The following MIS18BP1 variants were observed in gnomAD, a reference collection of about 807,000 sequenced individuals.
The protein encoded by MIS18BP1 is MIS18 binding protein 1.
A neutral mutation model predicts 116.1 loss-of-function variants in MIS18BP1; 72 were observed. That is an observed-to-expected ratio of 0.62 (90% CI 0.51 to 0.75). The LOEUF is 0.75. Ranked by LOEUF, MIS18BP1 falls within the 30% of genes least tolerant of loss-of-function variation. The pLI is 0.00. For synonymous variants in MIS18BP1, 386 were observed against 427.0 expected, an observed-to-expected ratio of 0.90 and a Z score of 1.18; for missense variants, 1,363 against 1,303.2, an observed-to-expected ratio of 1.05 and a Z score of -0.71.
rs985831706 is a variant in MIS18BP1 at position 45,224,595 on chromosome 14, T to A, written c.1992A>T (p.Arg664Ser). 5.0e-6 allele frequency: 8 copies of A among 1,613,892 alleles called. No homozygotes were observed. Among genetic ancestry groups the A allele is most frequent in the Non-Finnish European group, 5.9e-6 (7 of 1,179,918 alleles). ...CAGCGGACAGATTATACCTCATGCA[T>A]CTTTGCTCTATCACTTTTCTAGATT... ...PLKSRKVIEQ[R>S]CMRYNLSAGT... Residue 664 changes from arginine to serine, a missense_variant, in exon 11 of 17, where the codon AGA becomes AGT. Physicochemically the swap from Arg to Ser is moderately radical, Grantham distance 110. Transcript: ENST00000310806.
chr14:45,235,767 A>G, intron 6 of MIS18BP1, 47 bp downstream of exon 6: 2 of 1,506,478 alleles, frequency 1.3e-6, no homozygotes, highest in Non-Finnish European at 1.8e-6. Context: ...AACATGGTTA[A>G]CTGCTTTACT....
At chr14:45,220,421 T>C (rs1434622351) in intron 11 of MIS18BP1, among the ~76,000 whole-genome samples, 2 of 152,174 alleles carry the variant, frequency 1.3e-5, no homozygotes. Flanking sequence ...ATTCCCAGTA[T>C]TGGAAGTGGG....
At chr14:45,235,990 A>C (rs1891420163) in intron 5 of MIS18BP1, 46 bp from the exon 6 acceptor site, 1 of 1,497,272 alleles carries the variant, frequency 6.7e-7, no homozygotes, top group African/African-American at 1.4e-5. Flanking sequence ...ATTCATATAG[A>C]AATTTCTAAC....
chr14:45,234,732 A>G (rs1001666049), intron 6 of MIS18BP1, among the ~76,000 whole-genome samples: 4 of 152,160 alleles, frequency 2.6e-5, no homozygotes, highest in Admixed American at 2.6e-4. Flanking sequence ...GTAAACATAA[A>G]TTTAGACTAC....
intron 1 of MIS18BP1, among the ~76,000 whole-genome samples, chr14:45,252,431 G>T (rs894382023): frequency 1.3e-5 from 2 of 152,096 alleles, no homozygotes; most frequent in Non-Finnish European, 2.9e-5. Flanking sequence ...AACACATACA[G>T]GCATAGAGAA....
chr14:45,246,828 A>T lies in MIS18BP1; in HGVS notation c.459T>A (p.Val153=). 6.3e-7 allele frequency: 1 copy of T among 1,588,482 alleles called. No individual in the cohort carries two copies. Among genetic ancestry groups the T allele is most frequent in the Non-Finnish European group, 8.5e-7 (1 of 1,172,074 alleles). Reference sequence around the variant, plus strand: ...AGGTATGCTGCAATTTTTTTTTTTCAACTCTGTTAGGAGTGAAGGTTTCAT... The same window carrying T: ...AGGTATGCTGCAATTTTTTTTTTTCTACTCTGTTAGGAGTGAAGGTTTCAT... The part of the protein sequence containing the change: ...GNNETFTPNR[V]EKKKLQHTYL... The change falls in exon 2 of 17, where the codon GTT becomes GTA. Residue 153 remains valine (V), a synonymous_variant. Coordinates refer to ENST00000310806, the MANE Select transcript of MIS18BP1 (RefSeq NM_018353.5).
At chr14:45,204,351 T>G (rs1890452102) in intron 16 of MIS18BP1, 48 bp downstream of exon 16, 1 of 1,565,718 alleles carries the variant, frequency 6.4e-7, no homozygotes, top group South Asian at 1.2e-5. Flanking sequence ...ATAAAGAACC[T>G]ACCTTATAAT....
intron 1 of MIS18BP1, among the ~76,000 whole-genome samples, chr14:45,247,751 C>A (rs943759102): frequency 6.6e-6 from 1 of 152,064 alleles, no homozygotes. Flanking sequence ...GCATATGGCA[C>A]TACATTAGGT....
chr14:45,238,050 T>C (rs1037851161), intron 4 of MIS18BP1, among the ~76,000 whole-genome samples: 2 of 151,730 alleles, frequency 1.3e-5, no homozygotes, highest in South Asian at 2.1e-4. Context: ...CACCAAGTCC[T>C]GCAAAAAGCC....
rs1158476422 is a variant in MIS18BP1, at chr14:45,206,187, T to C, written c.3153-17A>G. Reference sequence around the variant, plus strand: ...CAGTCATTCCTGTTTGAATACGAAATAATTTTAAGTCAACAATATTTTTAA... The same window carrying C: ...CAGTCATTCCTGTTTGAATACGAAACAATTTTAAGTCAACAATATTTTTAA... On this transcript the variant is annotated splice_polypyrimidine_tract_variant and intron_variant, in intron 14 of 16. Coordinates refer to ENST00000310806, the MANE Select transcript of MIS18BP1 (RefSeq NM_018353.5). 6.6e-7 allele frequency: 1 copy of C among 1,513,628 alleles called. No individual in the cohort carries two copies. Among genetic ancestry groups the C allele is most frequent in the Non-Finnish European group, 9.1e-7 (1 of 1,098,566 alleles). The allele number at this position is 1,513,628 out of a possible 1,614,324, so 93.8% of individuals were successfully genotyped here.
At chr14:45,206,404 A>C in intron 14 of MIS18BP1, 1 of 383,934 alleles carries the variant, frequency 2.6e-6, no homozygotes, top group Non-Finnish European at 4.8e-6. Context: ...CTCCCAACTC[A>C]GCCTCCCAAG....
At chr14:45,248,010 G>C (rs1891767602) in intron 1 of MIS18BP1, among the ~76,000 whole-genome samples, 1 of 147,044 alleles carries the variant, frequency 6.8e-6, no homozygotes, top group Non-Finnish European at 1.5e-5. Context: ...ATTTTTAGCA[G>C]AAATACTGTA....
At chr14:45,222,352 T>C (rs1890998046) in intron 11 of MIS18BP1, among the ~76,000 whole-genome samples, 1 of 152,216 alleles carries the variant, frequency 6.6e-6, no homozygotes, top group Non-Finnish European at 1.5e-5. Context: ...AGTATTTTAA[T>C]TTATGTTTGA....
intron 13 of MIS18BP1, among the ~76,000 whole-genome samples, chr14:45,216,596 C>T (rs2139162243): frequency 6.6e-6 from 1 of 152,242 alleles, no homozygotes; most frequent in East Asian, 1.9e-4. Context: ...TTACTCCAAT[C>T]ACTGAAATTT....
At chr14:45,207,850 T>A (rs556296796) in intron 14 of MIS18BP1, among the ~76,000 whole-genome samples, 1 of 147,856 alleles carries the variant, frequency 6.8e-6, no homozygotes, top group Admixed American at 6.6e-5. Context: ...AAGAAAATCA[T>A]TTTTTTAAGA....
intron 7 of MIS18BP1, 181 bp downstream of exon 7, chr14:45,232,552 T>C: frequency 1.7e-6 from 1 of 575,442 alleles, no homozygotes; most frequent in Non-Finnish European, 3.2e-6. Flanking sequence ...CCCAACACTT[T>C]GGGAGGCTGA....
chr14:45,223,827 C>T, intron 11 of MIS18BP1, 91 bp downstream of exon 11: 2 of 916,036 alleles, frequency 2.2e-6, no homozygotes, highest in Non-Finnish European at 3.2e-6. Flanking sequence ...TTAATGACAT[C>T]TTCCATGTTA....
intron 14 of MIS18BP1, among the ~76,000 whole-genome samples, chr14:45,208,450 A>G (rs1890584312): frequency 6.7e-6 from 1 of 149,578 alleles, no homozygotes; most frequent in African/African-American, 2.5e-5. Context: ...CTCCTGCCTC[A>G]GCCTTCTGAG....
Position 45,237,671 on chromosome 14 carries a change from A to G in MIS18BP1, c.1194T>C (p.Ala398=), listed in dbSNP as rs755254766. ...ACATCAATTTTCCTTCTACACATAT[A>G]GCAGTATTATTATTGATGCTTTTAA... ...WMIKSINNNT[A]ICVEGKLIDV... Residue 398 remains alanine, a synonymous_variant, in exon 5 of 17, where the codon GCT becomes GCC. Coordinates refer to ENST00000310806, the MANE Select transcript of MIS18BP1 (RefSeq NM_018353.5). The G allele has an allele frequency of 2.1e-5, 34 of 1,601,506 alleles. No homozygotes were observed. Among genetic ancestry groups the G allele is most frequent in the Non-Finnish European group, 2.8e-5 (33 of 1,175,950 alleles).
Sources: gnomAD v4.1 joint callset for allele counts (sites outside exome capture counted in the v4.1 genomes callset) on GRCh38, gnomAD v4.1.1 for gene constraint, MANE v1.5 for transcripts, NCBI Gene and HGNC (gene_info 2026-07-23, HGNC 2026-07-21) for gene names.